The following PRKD1 variants were observed in gnomAD, a reference collection of about 807,000 sequenced individuals.
The protein encoded by PRKD1 is serine/threonine-protein kinase D1.
A neutral mutation model predicts 95.9 loss-of-function variants in PRKD1; 63 were observed. The observed-to-expected ratio is 0.66, with a 90% CI of 0.54 to 0.81. The LOEUF (loss-of-function observed/expected upper bound fraction) is 0.81, where lower values mean the gene tolerates loss of function less well. PRKD1 is among the 30% of genes least tolerant of loss of function. The pLI, the probability that PRKD1 is intolerant of heterozygous loss-of-function variation, is 0.00. For missense variants in PRKD1, 1,048 were observed against 1,165.3 expected (o/e 0.90, Z 1.47); for synonymous variants, 425 against 423.1 (o/e 1.00, Z -0.05).
chr14:29,818,292 A>T (rs1419596980), intron 1 of PRKD1, among the ~76,000 whole-genome samples: 1 of 152,262 alleles, frequency 6.6e-6, no homozygotes, highest in Non-Finnish European at 1.5e-5. Flanking sequence ...GAAACACCAT[A>T]CCACACAATT....
chr14:29,895,283 C>A (rs531052609), intron 1 of PRKD1, among the ~76,000 whole-genome samples: 12 of 152,272 alleles, frequency 7.9e-5, no homozygotes, highest in Admixed American at 5.9e-4. Context: ...TGCCACTGCA[C>A]CCCAGCCTGG....
chr14:29,826,802 CACAT>C (rs1194995238), intron 1 of PRKD1, among the ~76,000 whole-genome samples: 8 of 22,786 alleles, frequency 3.5e-4, no homozygotes, highest in African/African-American at 1.3e-3. Context: ...CATATATATA[CACAT>C]ATATATACAC....
intron 13 of PRKD1, among the ~76,000 whole-genome samples, chr14:29,612,044 C>T (rs1436446515): frequency 6.6e-6 from 1 of 152,064 alleles, no homozygotes; most frequent in African/African-American, 2.4e-5. Flanking sequence ...CCATGATATG[C>T]TAAATAATGT....
At chr14:29,631,932 G>A (rs553319240) in intron 9 of PRKD1, among the ~76,000 whole-genome samples, 1 of 152,148 alleles carries the variant, frequency 6.6e-6, no homozygotes. Context: ...ATCCTGAGTA[G>A]CTGAGATTAC....
chr14:29,645,701 C>A (rs1216541998), intron 4 of PRKD1, among the ~76,000 whole-genome samples: 1 of 151,638 alleles, frequency 6.6e-6, no homozygotes, highest in Non-Finnish European at 1.5e-5. Flanking sequence ...AGTTTATTAG[C>A]CAGTAGAATC....
At chr14:29,911,887 C>T (rs1365034575) in intron 1 of PRKD1, among the ~76,000 whole-genome samples, 3 of 152,208 alleles carry the variant, frequency 2.0e-5, no homozygotes, top group Non-Finnish European at 4.4e-5. Context: ...TTCCTTGGCT[C>T]ATGAGCTACT....
intron 2 of PRKD1, among the ~76,000 whole-genome samples, chr14:29,667,589 GAGA>G (rs1400405001): frequency 6.6e-6 from 1 of 152,128 alleles, no homozygotes; most frequent in Non-Finnish European, 1.5e-5. Flanking sequence ...GTCCAATTGG[GAGA>G]AGAATAAATT....
intron 16 of PRKD1, among the ~76,000 whole-genome samples, chr14:29,580,730 TA>T (rs1429113937): frequency 1.3e-5 from 2 of 152,178 alleles, no homozygotes; most frequent in African/African-American, 4.8e-5. Flanking sequence ...GAACACAGTT[TA>T]GAGGCTTTTT....
chr14:29,892,153 G>GTTC (rs1198058375), intron 1 of PRKD1, among the ~76,000 whole-genome samples: 8 of 152,088 alleles, frequency 5.3e-5, no homozygotes, highest in Non-Finnish European at 4.4e-5. Context: ...CCTACAAACA[G>GTTC]TTCTTCAACA....
Position 29,634,452 on chromosome 14 carries a change from C to A in PRKD1, c.1280G>T (p.Gly427Val). ...KRKSSTVMKE[G>V]WMVHYTSKDT... ...CTTGCTGGTGTAGTGGACCATCCATCCTTCTTTCATGACTGTGCTGCTTTT... is the reference window on the plus strand; with the variant it reads ...CTTGCTGGTGTAGTGGACCATCCATACTTCTTTCATGACTGTGCTGCTTTT... The change falls in exon 8 of 18, where the codon GGA becomes GTA. Residue 427 changes from glycine (G) to valine (V), a missense_variant. Transcript: ENST00000331968. 1 of 1,614,102 alleles carries A rather than the reference C, an allele frequency of 6.2e-7. No individual in the cohort carries two copies.
chr14:29,672,520 G>A (rs1594414827), intron 2 of PRKD1, among the ~76,000 whole-genome samples: 1 of 152,104 alleles, frequency 6.6e-6, no homozygotes, highest in Middle Eastern at 3.4e-3. Context: ...AGAACAGAGT[G>A]AATCCTTATT....
chr14:29,708,585 C>A (rs548527327), intron 2 of PRKD1, among the ~76,000 whole-genome samples: 1 of 152,106 alleles, frequency 6.6e-6, no homozygotes, highest in Non-Finnish European at 1.5e-5. Flanking sequence ...TTAGGCTGGG[C>A]GCACTGGCTC....
At chr14:29,638,307 G>A in intron 6 of PRKD1, 182 bp downstream of exon 6, 3 of 623,300 alleles carry the variant, frequency 4.8e-6, no homozygotes, top group Non-Finnish European at 8.4e-6. Context: ...GTCTTTGACT[G>A]TTATCAAAAC....
rs1474218486 is a variant in PRKD1 at position 29,883,905 on chromosome 14, T to G, written c.264+43344A>C. 2.0e-5 allele frequency among the ~76,000 whole-genome samples: 3 copies of G among 152,206 alleles called. No individual in the cohort carries two copies. In the East Asian group the frequency reaches 5.8e-4, roughly 29 times the overall value. Reference sequence around the variant, plus strand: ...GCATCTGACCCTGTTAGGTGGCTGATAAGAGGATTTTGAAGGCCAGCAGAT... The same window carrying G: ...GCATCTGACCCTGTTAGGTGGCTGAGAAGAGGATTTTGAAGGCCAGCAGAT... On this transcript the variant is annotated intron_variant, in intron 1 of 17. Transcript: ENST00000331968.
chr14:29,771,733 G>A (rs1888517500), intron 1 of PRKD1, among the ~76,000 whole-genome samples: 1 of 152,160 alleles, frequency 6.6e-6, no homozygotes, highest in Non-Finnish European at 1.5e-5. Flanking sequence ...CAACCCATAA[G>A]GGCTGTGCCC....
chr14:29,746,387 C>T (rs1887219230), intron 1 of PRKD1, among the ~76,000 whole-genome samples: 1 of 152,172 alleles, frequency 6.6e-6, no homozygotes. Context: ...CCACCAAGCA[C>T]CTGGCTTCAT....
intron 2 of PRKD1, among the ~76,000 whole-genome samples, chr14:29,686,005 C>G (rs916486411): frequency 5.9e-5 from 9 of 152,058 alleles, no homozygotes; most frequent in Non-Finnish European, 1.3e-4. Flanking sequence ...TAATATCTTT[C>G]CATAGTAACA....
intron 4 of PRKD1, 98 bp from the exon 5 acceptor site, chr14:29,639,002 A>G: frequency 1.1e-6 from 1 of 875,306 alleles, no homozygotes; most frequent in Non-Finnish European, 1.7e-6. Flanking sequence ...TGTATTTAGT[A>G]CTTTGATGTT....
chr14:29,692,081 C>T (rs1884268994), intron 2 of PRKD1, among the ~76,000 whole-genome samples: 2 of 152,132 alleles, frequency 1.3e-5, no homozygotes, highest in African/African-American at 2.4e-5. Flanking sequence ...ACTTAACACA[C>T]ACTTTGAGTC....
Sources: gnomAD v4.1 joint callset for allele counts (sites outside exome capture counted in the v4.1 genomes callset) on GRCh38, gnomAD v4.1.1 for gene constraint, MANE v1.5 for transcripts, NCBI Gene and HGNC (gene_info 2026-07-23, HGNC 2026-07-21) for gene names.